The following FNBP1 variants were observed in gnomAD, a reference collection of about 807,000 sequenced individuals.
The protein encoded by FNBP1 is formin binding protein 1.
Under a neutral mutation model 90.6 loss-of-function variants are expected in FNBP1, and 26 were observed. The ratio of observed to expected loss-of-function variants is 0.29; its 90% CI spans 0.21 to 0.40. The LOEUF is 0.40. Among genes scored for constraint, FNBP1 ranks in the 10% least tolerant of loss-of-function variants. FNBP1 has a pLI of 1.00. For missense variants in FNBP1, 635 were observed against 768.0 expected (o/e 0.83, Z 2.05); for synonymous variants, 260 against 265.2 (o/e 0.98, Z 0.19).
chr9:129,931,468 T>C (rs1030294935), intron 6 of FNBP1, among the ~76,000 whole-genome samples: 6 of 151,450 alleles, frequency 4.0e-5, no homozygotes, highest in African/African-American at 1.5e-4. Flanking sequence ...TAGCCGGGTG[T>C]GGTGGTGGGT....
intron 4 of FNBP1, among the ~76,000 whole-genome samples, chr9:129,969,005 A>C (rs555269147): frequency 6.6e-6 from 1 of 152,358 alleles, no homozygotes; most frequent in African/African-American, 2.4e-5. Flanking sequence ...GCTGTGGAAA[A>C]GCCCAGACGT....
At chr9:129,992,315 T>C (rs777959965) in intron 2 of FNBP1, among the ~76,000 whole-genome samples, 3 of 152,180 alleles carry the variant, frequency 2.0e-5, no homozygotes, top group Non-Finnish European at 4.4e-5. Context: ...AAACAGACCA[T>C]GTTCTATTCC....
chr9:130,013,273 C>T (rs2131723819), intron 1 of FNBP1, among the ~76,000 whole-genome samples: 1 of 152,252 alleles, frequency 6.6e-6, no homozygotes, highest in South Asian at 2.1e-4. Context: ...AGCTACTGTG[C>T]CTGGCTCCAA....
chr9:129,958,423 C>T, intron 5 of FNBP1, 68 bp downstream of exon 5: 1 of 1,241,006 alleles, frequency 8.1e-7, no homozygotes, highest in Non-Finnish European at 1.1e-6. Flanking sequence ...CAGAGGGAGC[C>T]TCCGTCTCAA....
chr9:129,975,409 GTTC>G (rs1158186629), intron 4 of FNBP1, among the ~76,000 whole-genome samples: 1 of 152,096 alleles, frequency 6.6e-6, no homozygotes, highest in African/African-American at 2.4e-5. Context: ...TGTACTTGCA[GTTC>G]TTCTTAAAAT....
intron 10 of FNBP1, among the ~76,000 whole-genome samples, chr9:129,920,982 C>T (rs183063949): frequency 1.3e-5 from 2 of 152,304 alleles, no homozygotes; most frequent in East Asian, 3.9e-4. Context: ...CTGCAGATTA[C>T]TCAAGTCCTA....
chr9:129,978,500 G>T lies in FNBP1; in HGVS notation c.310C>A (p.Arg104Ser), dbSNP rs774615028. 1 of 1,613,222 alleles carries T rather than the reference G, an allele frequency of 6.2e-7. No homozygotes were observed. The highest frequency in any genetic ancestry group is 1.3e-5 in the African/African-American group (1 of 74,770). The change falls in exon 4 of 17, where the codon CGC becomes AGC. Residue 104 changes from arginine (R) to serine (S), a missense_variant. Arg to Ser is a moderately radical substitution (Grantham distance 110). Coordinates refer to ENST00000446176, the MANE Select transcript of FNBP1 (RefSeq NM_015033.3). Reference protein sequence around the residue: ...MASQIIVDLARYVQELKQERK... With the variant: ...MASQIIVDLASYVQELKQERK... The stretch of plus-strand genomic sequence containing the variant: ...TCCTGTTTCAGTTCCTGAACATAGC[G>T]TGCCAAGTCCACAATGATCTGTGAT...
chr9:130,048,237 AC>A, the FNBP1 span, among the ~76,000 whole-genome samples: 1 of 140,538 alleles, frequency 7.1e-6, no homozygotes, highest in African/African-American at 2.6e-5. Context: ...AATCGCTTGA[AC>A]CCAGGAGGCA....
chr9:129,909,077 C>G (rs774024918), intron 11 of FNBP1, 78 bp from the exon 12 acceptor site: 1 of 884,156 alleles, frequency 1.1e-6, no homozygotes, highest in Non-Finnish European at 1.8e-6. Flanking sequence ...AAGCCTGCAG[C>G]CATGGGGGGT....
intron 6 of FNBP1, among the ~76,000 whole-genome samples, chr9:129,939,337 C>T (rs966158198): frequency 2.0e-5 from 3 of 151,416 alleles, no homozygotes; most frequent in Non-Finnish European, 2.9e-5. Flanking sequence ...TGCAGTGAGC[C>T]GAGACTGCAC....
chr9:130,051,882 A>G, the FNBP1 span, among the ~76,000 whole-genome samples: 1 of 152,330 alleles, frequency 6.6e-6, no homozygotes, highest in South Asian at 2.1e-4. Flanking sequence ...CAAGCTTAGG[A>G]GATCAGTCTT....
Position 129,900,691 on chromosome 9 carries a change from C to A in FNBP1, c.1429-144G>T, listed in dbSNP as rs1306693138. ...CAGGGGCTACTCTTGGCCATTTAAC[C>A]CAATGTGAGGAAGTCCACGTGGGGG... On this transcript the variant is annotated intron_variant, in intron 13 of 16. Coordinates refer to ENST00000446176, the MANE Select transcript of FNBP1 (RefSeq NM_015033.3). This position sits in a 1 kb window ranked among gnomAD's most constrained non-coding sequence, Gnocchi z 4.1. The A allele has an allele frequency of 3.4e-6, 3 of 870,336 alleles. No individual in the cohort carries two copies. Among genetic ancestry groups the A allele is most frequent in the Non-Finnish European group, 3.1e-6 (2 of 644,782 alleles). 53.9% of individuals were successfully genotyped at this position (870,336 alleles called of 1,614,324 possible). A position where few individuals can be genotyped will look rare whatever the true frequency, so the allele number is the denominator to read the frequency against.
At chr9:130,053,745 G>T in the FNBP1 span, 11 of 604,116 alleles carry the variant, frequency 1.8e-5, no homozygotes, top group East Asian at 3.2e-4. Flanking sequence ...AGGAGCGGCC[G>T]ATCGAAGGGC....
In FNBP1 at chr9:129,888,268, G is replaced by C. The variant is rs908243206; in HGVS notation, c.*2271C>G. ...AAAGATGTGACGCACATGCATTCCC[G>C]AGGCTCTAAAATCCCATTTTAAAGA... On this transcript the variant is annotated 3_prime_UTR_variant, in exon 17 of 17. Transcript: ENST00000446176. The C allele has an allele frequency of 4.7e-5, 11 of 232,364 alleles. No homozygotes were observed. The South Asian group carries it at 5.4e-4, about 11-fold the overall frequency. The allele number at this position is 232,364 out of a possible 1,614,324, so 14.4% of individuals were successfully genotyped here.
intron 11 of FNBP1, among the ~76,000 whole-genome samples, chr9:129,912,157 G>A (rs947798714): frequency 1.3e-5 from 2 of 152,014 alleles, no homozygotes; most frequent in African/African-American, 4.8e-5. Context: ...ACTATCTCCA[G>A]GTAGATAGCA....
At chr9:130,047,678 G>T (rs2060068445), upstream of FNBP1, among the ~76,000 whole-genome samples, 1 of 151,912 alleles carries the variant, frequency 6.6e-6, no homozygotes, top group African/African-American at 2.4e-5. Context: ...TCTCAGTGGG[G>T]GACTCAAACA....
chr9:129,938,323 A>G (rs761928499), intron 6 of FNBP1, among the ~76,000 whole-genome samples: 2 of 152,182 alleles, frequency 1.3e-5, no homozygotes, highest in Admixed American at 6.6e-5. Context: ...TTGTATCTAG[A>G]ATATATTTTC....
intron 2 of FNBP1, among the ~76,000 whole-genome samples, chr9:129,987,295 T>G (rs550429134): frequency 6.6e-6 from 1 of 152,144 alleles, no homozygotes; most frequent in East Asian, 1.9e-4. Context: ...GAGAGGCTGT[T>G]GTAGAGAGAA....
chr9:130,033,846 C>CAAAA (rs36040639), intron 1 of FNBP1, among the ~76,000 whole-genome samples: 3 of 103,670 alleles, frequency 2.9e-5, no homozygotes, highest in East Asian at 2.9e-4. Flanking sequence ...ACTAAAAATA[C>CAAAA]AAAAAAAAAA....
Sources: allele counts gnomAD v4.1 joint callset (sites outside exome capture counted in the v4.1 genomes callset), GRCh38; gene constraint gnomAD v4.1.1; non-coding constraint Gnocchi (gnomAD v3.1); transcripts MANE v1.5; gene names NCBI Gene and HGNC (gene_info 2026-07-23, HGNC 2026-07-21).